Variants in SCFD1 observed in about 807,000 individuals in gnomAD.
SCFD1 encodes the protein sec1 family domain containing 1, also known as sec1 family domain-containing protein 1.
SCFD1 carries 37 observed loss-of-function variants against 103.2 expected under a neutral mutation model. That is an observed-to-expected ratio of 0.36 (90% confidence interval 0.28 to 0.47). SCFD1 has a LOEUF of 0.47. Ranked by LOEUF, SCFD1 falls within the 20% of genes least tolerant of loss-of-function variation. The probability of loss-of-function intolerance (pLI) is 1.00; values close to 1 mark genes in which losing one functional copy is unlikely to be tolerated. For missense variants in SCFD1, 639 were observed against 761.2 expected (o/e 0.84, Z 1.89); for synonymous variants, 264 against 245.0 (o/e 1.08, Z -0.73).
intron 21 of SCFD1, among the ~76,000 whole-genome samples, chr14:30,719,962 AG>A (rs903044087): frequency 3.5e-5 from 1 of 28,260 alleles, no homozygotes; most frequent in South Asian, 1.2e-3. Context: ...AATTGGGGGC[AG>A]GGGGGTGGGG....
intron 10 of SCFD1, among the ~76,000 whole-genome samples, chr14:30,665,979 C>A (rs1887925059): frequency 6.6e-6 from 1 of 152,140 alleles, no homozygotes; most frequent in African/African-American, 2.4e-5. Flanking sequence ...GACTTTAACA[C>A]CCCACTGTCA....
intron 15 of SCFD1, among the ~76,000 whole-genome samples, chr14:30,695,929 A>T (rs1890671083): frequency 6.6e-6 from 1 of 152,178 alleles, no homozygotes; most frequent in Non-Finnish European, 1.5e-5. Context: ...AATTTAATGT[A>T]ATCCAATTGT....
chr14:30,701,906 C>T (rs1308786805), intron 16 of SCFD1, among the ~76,000 whole-genome samples: 2 of 152,162 alleles, frequency 1.3e-5, no homozygotes, highest in Non-Finnish European at 2.9e-5. Flanking sequence ...AAATCTGCAG[C>T]TCCCCTCAGT....
Position 30,650,661 on chromosome 14 carries a change from T to C in SCFD1, c.755+11T>C. The C allele has an allele frequency of 7.0e-7, 1 of 1,438,700 alleles. No homozygotes were observed. The highest frequency in any genetic ancestry group is 9.7e-7 in the Non-Finnish European group (1 of 1,025,998). The allele number at this position is 1,438,700 out of a possible 1,614,324, so 89.1% of individuals were successfully genotyped here. A position where few individuals can be genotyped will look rare whatever the true frequency, so the allele number is the denominator to read the frequency against. On this transcript the variant is annotated intron_variant, in intron 9 of 24. Coordinates refer to ENST00000458591, the MANE Select transcript of SCFD1 (RefSeq NM_016106.4). ...AGCTGGCCAATTCAGGTATTACTGT[T>C]ATTAAATACACTTGTAAGACTTTAA...
chr14:30,675,512 G>A (rs749313884), intron 14 of SCFD1, among the ~76,000 whole-genome samples: 1 of 152,118 alleles, frequency 6.6e-6, no homozygotes, highest in African/African-American at 2.4e-5. Flanking sequence ...TTCTTACTGT[G>A]TATCATTGAA....
intron 4 of SCFD1, among the ~76,000 whole-genome samples, chr14:30,637,777 G>A (rs1884880451): frequency 6.6e-6 from 1 of 152,124 alleles, no homozygotes; most frequent in Admixed American, 6.5e-5. Flanking sequence ...CAGAACAGTT[G>A]AAGATCGTGT....
chr14:30,653,093 C>T (rs1004100989), intron 9 of SCFD1, among the ~76,000 whole-genome samples: 7 of 152,190 alleles, frequency 4.6e-5, no homozygotes, highest in East Asian at 1.9e-4. Flanking sequence ...TGTGTGACCA[C>T]GTTAAATTTG....
chr14:30,644,247 C>T (rs1355798072), intron 7 of SCFD1, among the ~76,000 whole-genome samples: 3 of 152,124 alleles, frequency 2.0e-5, no homozygotes, highest in Non-Finnish European at 1.5e-5. Flanking sequence ...TCCAGTCCAC[C>T]CTTGATAGGC....
chr14:30,674,142 T>G, intron 13 of SCFD1, 145 bp downstream of exon 13: 1 of 614,630 alleles, frequency 1.6e-6, no homozygotes, highest in Non-Finnish European at 2.8e-6. Context: ...CTAAATTGTA[T>G]TTAGCTAAAT....
chr14:30,693,876 A>C (rs193091685), intron 14 of SCFD1, among the ~76,000 whole-genome samples: 1 of 152,302 alleles, frequency 6.6e-6, no homozygotes, highest in East Asian at 1.9e-4. Flanking sequence ...TATCTGAAGC[A>C]TAACTTAAGA....
chr14:30,708,350 C>CATGT (rs1891622955), intron 19 of SCFD1, among the ~76,000 whole-genome samples: 1 of 152,136 alleles, frequency 6.6e-6, no homozygotes, highest in African/African-American at 2.4e-5. Context: ...CGGCCTCCTA[C>CATGT]AGGCCCCGAT....
In SCFD1 at chr14:30,670,385, C is replaced by T. The variant is rs1415514986; in HGVS notation, c.985C>T (p.His329Tyr). 1.3e-6 allele frequency: 2 copies of T among 1,548,516 alleles called. No individual in the cohort carries two copies. The highest frequency in any genetic ancestry group is 1.4e-5 in the African/African-American group (1 of 71,122). Residue 329 changes from histidine to tyrosine, a missense_variant, in exon 11 of 25, where the codon CAT (histidine) becomes TAT (tyrosine). Coordinates refer to ENST00000458591, the MANE Select transcript of SCFD1 (RefSeq NM_016106.4). ...LTPVDKFWQKHKGSPFPEVAE... is the reference protein window; with the variant it reads ...LTPVDKFWQKYKGSPFPEVAE... ...TCCGGTTGATAAATTTTGGCAAAAA[C>T]ATAAAGGAAGGTAAGCAAAATATCA...
At chr14:30,695,543 G>A (rs1410910756) in intron 15 of SCFD1, among the ~76,000 whole-genome samples, 1 of 152,064 alleles carries the variant, frequency 6.6e-6, no homozygotes, top group Non-Finnish European at 1.5e-5. Flanking sequence ...AAATATAAAC[G>A]TATTTTTTAC....
intron 19 of SCFD1, among the ~76,000 whole-genome samples, chr14:30,714,555 C>T (rs188857195): frequency 1.3e-5 from 2 of 152,196 alleles, no homozygotes; most frequent in Admixed American, 6.5e-5. Context: ...TTTCACTTTA[C>T]CAGTCTAGGG....
chr14:30,664,914 G>A (rs370091333), intron 10 of SCFD1, among the ~76,000 whole-genome samples: 44 of 152,332 alleles, frequency 2.9e-4, no homozygotes, highest in East Asian at 7.7e-4. Context: ...CCAAATCTGC[G>A]TTTGATTGGT....
chr14:30,626,044 T>C lies in SCFD1; in HGVS notation c.62-2165T>C, dbSNP rs1883405255. Reference sequence around the variant, plus strand: ...CCAGGGTGGTGGTGTCTTTATTGCCTGGAGGTGGAGGAAGAGCTCTGCAAA... The same window carrying C: ...CCAGGGTGGTGGTGTCTTTATTGCCCGGAGGTGGAGGAAGAGCTCTGCAAA... On this transcript the variant is annotated intron_variant, in intron 1 of 24. Transcript: ENST00000458591. Among the ~76,000 whole-genome samples, 3 of 152,232 alleles carry C rather than the reference T, an allele frequency of 2.0e-5. No individual in the cohort carries two copies. The South Asian group carries it at 6.2e-4, about 32-fold the overall frequency.
Position 30,735,632 on chromosome 14 carries a change from A to G in SCFD1, c.*23A>G, listed in dbSNP as rs17097173. Reference sequence around the variant, plus strand: ...TAACACAGAAGAACCTTACTATGATAATCTACTTGGAATGTGGATAAATGT... The same window carrying G: ...TAACACAGAAGAACCTTACTATGATGATCTACTTGGAATGTGGATAAATGT... On this transcript the variant is annotated 3_prime_UTR_variant, in exon 25 of 25. Coordinates refer to ENST00000458591, the MANE Select transcript of SCFD1 (RefSeq NM_016106.4). 2,651 of 1,564,288 alleles carry G rather than the reference A, an allele frequency of 1.7e-3. 38 individuals carry two copies. The African/African-American group carries it at 0.031, about 19-fold the overall frequency.
chr14:30,640,417 T>C (rs941460309), intron 6 of SCFD1, among the ~76,000 whole-genome samples: 1 of 152,234 alleles, frequency 6.6e-6, no homozygotes, highest in Admixed American at 6.5e-5. Context: ...AGTTGCATTT[T>C]AAATGAATTA....
chr14:30,659,244 G>T (rs1887212873), intron 10 of SCFD1, among the ~76,000 whole-genome samples: 1 of 147,546 alleles, frequency 6.8e-6, no homozygotes. Context: ...ATTTTACAAA[G>T]TTTTAATAAT....
Sources: allele counts gnomAD v4.1 joint callset (sites outside exome capture counted in the v4.1 genomes callset), GRCh38; gene constraint gnomAD v4.1.1; transcripts MANE v1.5; gene names NCBI Gene and HGNC (gene_info 2026-07-23, HGNC 2026-07-21).